Variants in SIPA1L1 observed in about 807,000 individuals in gnomAD.
The protein encoded by SIPA1L1 is signal induced proliferation associated 1 like 1, also known as signal-induced proliferation-associated 1-like protein 1.
SIPA1L1 carries 26 observed loss-of-function variants against 162.7 expected under a neutral mutation model. The observed-to-expected ratio is 0.16, with a 90% confidence interval of 0.12 to 0.22. The LOEUF is 0.22. Ranked by LOEUF, SIPA1L1 falls within the 10% of genes least tolerant of loss-of-function variation. The pLI is 1.00. For missense variants in SIPA1L1, 1,874 were observed against 2,241.0 expected (o/e 0.84, Z 3.31); for synonymous variants, 829 against 837.4 (o/e 0.99, Z 0.17).
chr14:71,697,374 A>G (rs1047319458), intron 13 of SIPA1L1, among the ~76,000 whole-genome samples: 1 of 152,180 alleles, frequency 6.6e-6, no homozygotes, highest in African/African-American at 2.4e-5. Flanking sequence ...AACCCAATTG[A>G]CTGTGGAAAG....
intron 2 of SIPA1L1, chr14:71,330,321 G>A (rs766603610): frequency 7.6e-6 from 6 of 784,688 alleles, no homozygotes; most frequent in Admixed American, 1.8e-5. Flanking sequence ...ATGAAGGGCT[G>A]TGGGCTGTAA....
intron 7 of SIPA1L1, among the ~76,000 whole-genome samples, chr14:71,632,239 T>C (rs1348296333): frequency 6.6e-6 from 1 of 152,182 alleles, no homozygotes; most frequent in Non-Finnish European, 1.5e-5. Context: ...TTGAGATCTC[T>C]GGAATGGCAT....
chr14:71,702,519 T>G lies in SIPA1L1; in HGVS notation c.3646+14T>G. On this transcript the variant is annotated intron_variant, in intron 15 of 23. Coordinates refer to ENST00000381232, the MANE Select transcript of SIPA1L1 (RefSeq NM_001386936.1). Reference sequence around the variant, plus strand: ...CTGACCAGATGGGTAAGTAATCAATTTCTACAAGAAGAAAGTTGCTTTTAC... The same window carrying G: ...CTGACCAGATGGGTAAGTAATCAATGTCTACAAGAAGAAAGTTGCTTTTAC... 2 of 1,612,528 alleles carry G rather than the reference T, an allele frequency of 1.2e-6. No individual in the cohort carries two copies. The highest frequency in any genetic ancestry group is 1.7e-6 in the Non-Finnish European group (2 of 1,179,000).
chr14:71,686,340 A>G (rs2046288690), intron 13 of SIPA1L1, among the ~76,000 whole-genome samples: 3 of 152,206 alleles, frequency 2.0e-5, no homozygotes. Context: ...GTCTGGAGTT[A>G]AGAGTAAACT....
intron 2 of SIPA1L1, among the ~76,000 whole-genome samples, chr14:71,374,736 A>G (rs890045689): frequency 7.6e-5 from 11 of 145,468 alleles, no homozygotes; most frequent in East Asian, 3.9e-4. Flanking sequence ...ATTCACTGCC[A>G]TATATCTAAA....
At chr14:71,407,976 A>C (rs1417619634) in intron 2 of SIPA1L1, among the ~76,000 whole-genome samples, 1 of 152,168 alleles carries the variant, frequency 6.6e-6, no homozygotes, top group East Asian at 1.9e-4. Flanking sequence ...TTTCCTTTTA[A>C]ATATAGTCTT....
chr14:71,601,957 T>C (rs1387634004), intron 5 of SIPA1L1, among the ~76,000 whole-genome samples: 1 of 152,086 alleles, frequency 6.6e-6, no homozygotes, highest in Non-Finnish European at 1.5e-5. Context: ...CCTTTTTTTT[T>C]CTTGGTTATC....
intron 16 of SIPA1L1, among the ~76,000 whole-genome samples, chr14:71,707,413 T>G (rs531936893): frequency 1.3e-5 from 2 of 152,192 alleles, no homozygotes; most frequent in African/African-American, 4.8e-5. Context: ...TTTCACAGAG[T>G]TATCCGGCCA....
At chr14:71,724,637 T>G (rs752574877) in intron 18 of SIPA1L1, 33 bp from the exon 19 acceptor site, 2 of 1,592,996 alleles carry the variant, frequency 1.3e-6, no homozygotes, top group Non-Finnish European at 1.7e-6. Context: ...CTTGTTGAGT[T>G]GGTATCTATC....
intron 20 of SIPA1L1, 112 bp from the exon 21 acceptor site, chr14:71,733,554 T>A (rs2084996614): frequency 2.7e-6 from 3 of 1,111,806 alleles, no homozygotes; most frequent in Non-Finnish European, 3.9e-6. Context: ...ACCTGGACAT[T>A]GATAACAGTC....
intron 3 of SIPA1L1, among the ~76,000 whole-genome samples, chr14:71,521,540 A>G (rs79051611): frequency 0.033 from 4,994 of 152,304 alleles, 107 homozygotes; most frequent in Non-Finnish European, 0.046. Flanking sequence ...TTTATGGCCT[A>G]CTTCATAGTA....
At chr14:71,489,334 T>A (rs928501275) in intron 2 of SIPA1L1, among the ~76,000 whole-genome samples, 1 of 152,220 alleles carries the variant, frequency 6.6e-6, no homozygotes, top group African/African-American at 2.4e-5. Flanking sequence ...GGACCCAGTC[T>A]GTGTGCTATA....
intron 2 of SIPA1L1, among the ~76,000 whole-genome samples, chr14:71,407,861 T>A (rs984572959): frequency 6.6e-6 from 1 of 152,146 alleles, no homozygotes; most frequent in South Asian, 2.1e-4. Context: ...CTTAGCAGGA[T>A]TTTTTGTTTT....
chr14:71,577,915 T>G (rs571907903), intron 4 of SIPA1L1, among the ~76,000 whole-genome samples: 233 of 151,958 alleles, frequency 1.5e-3, no homozygotes, highest in African/African-American at 5.2e-3. Flanking sequence ...TTATTTTTTA[T>G]TTTTTCTTTC....
intron 20 of SIPA1L1, 145 bp from the exon 21 acceptor site, chr14:71,733,521 G>C: frequency 1.3e-6 from 1 of 788,978 alleles, no homozygotes; most frequent in South Asian, 1.7e-5. Context: ...GTCAGCTTTA[G>C]AATAGCCACT....
intron 6 of SIPA1L1, among the ~76,000 whole-genome samples, chr14:71,622,172 G>A (rs920688903): frequency 2.6e-5 from 4 of 152,154 alleles, no homozygotes; most frequent in African/African-American, 9.7e-5. Flanking sequence ...TCAGTAAGCG[G>A]CAGCAAGATA....
intron 2 of SIPA1L1, among the ~76,000 whole-genome samples, chr14:71,341,000 GTAT>G (rs2035597366): frequency 6.6e-6 from 1 of 152,196 alleles, no homozygotes; most frequent in Non-Finnish European, 1.5e-5. Flanking sequence ...AGATGTACTA[GTAT>G]CTCTGACACC....
At chr14:71,477,575 A>C (rs527849527) in intron 2 of SIPA1L1, among the ~76,000 whole-genome samples, 3 of 152,330 alleles carry the variant, frequency 2.0e-5, no homozygotes, top group Admixed American at 6.5e-5. Context: ...TCCTGGGCTC[A>C]AATGAGCCTC....
intron 2 of SIPA1L1, among the ~76,000 whole-genome samples, chr14:71,427,893 C>T (rs1178528783): frequency 6.6e-6 from 1 of 151,982 alleles, no homozygotes; most frequent in African/African-American, 2.4e-5. Flanking sequence ...AAGTATTTTT[C>T]AGGGTCAGTT....
Sources: gnomAD v4.1 joint callset for allele counts (sites outside exome capture counted in the v4.1 genomes callset) on GRCh38, gnomAD v4.1.1 for gene constraint, MANE v1.5 for transcripts, NCBI Gene and HGNC (gene_info 2026-07-23, HGNC 2026-07-21) for gene names.